The following TYW3 variants were observed in gnomAD, a reference collection of about 807,000 sequenced individuals.
TYW3 encodes the protein tRNA-yW synthesizing protein 3 homolog.
TYW3 carries 26 observed loss-of-function variants against 23.1 expected under a neutral mutation model. The ratio of observed to expected loss-of-function variants is 1.13; its 90% CI spans 0.83 to 1.56. The LOEUF is 1.56. Ranked by LOEUF, TYW3 falls within the 40% of genes most tolerant of loss-of-function variation. The pLI is 0.00. For synonymous variants in TYW3, 102 were observed against 105.7 expected (o/e 0.97, Z 0.21); for missense variants, 316 against 311.9 (o/e 1.01, Z -0.10).
intron 1 of TYW3, among the ~76,000 whole-genome samples, chr1:74,734,384 T>C (rs188378601): frequency 6.6e-6 from 1 of 152,280 alleles, no homozygotes. Flanking sequence ...GTAACTCTTA[T>C]TTTACTTAAT....
chr1:74,756,457 T>C (rs1235417135), intron 5 of TYW3, among the ~76,000 whole-genome samples: 1 of 152,190 alleles, frequency 6.6e-6, no homozygotes, highest in East Asian at 1.9e-4. Context: ...ACTCTTGTTA[T>C]GTTTTAGCAA....
At chr1:74,752,514 C>T in intron 5 of TYW3, 89 bp downstream of exon 5, 1 of 1,114,168 alleles carries the variant, frequency 9.0e-7, no homozygotes, top group Non-Finnish European at 1.3e-6. Flanking sequence ...TTTATAATGC[C>T]AACTGCTTAT....
intron 3 of TYW3, among the ~76,000 whole-genome samples, chr1:74,740,880 C>T (rs1648330479): frequency 6.6e-6 from 1 of 152,216 alleles, no homozygotes; most frequent in Non-Finnish European, 1.5e-5. Context: ...CTCCAAGTCC[C>T]CACTTGACCC....
chr1:74,753,238 G>A (rs1378307577), intron 5 of TYW3, among the ~76,000 whole-genome samples: 2 of 151,934 alleles, frequency 1.3e-5, no homozygotes, highest in East Asian at 1.9e-4. Flanking sequence ...TCAGTCAATC[G>A]CTGTCTGAAT....
chr1:74,747,510 G>A (rs1454260525), intron 3 of TYW3, among the ~76,000 whole-genome samples: 7 of 149,376 alleles, frequency 4.7e-5, no homozygotes, highest in Non-Finnish European at 7.5e-5. Flanking sequence ...AGTGGCGGGC[G>A]CCTGTAGTCC....
chr1:74,763,303 C>T (rs1014398880), intron 5 of TYW3, among the ~76,000 whole-genome samples: 12 of 151,854 alleles, frequency 7.9e-5, no homozygotes, highest in Non-Finnish European at 1.3e-4. Flanking sequence ...AAATGCTTAC[C>T]ACATTTTTGT....
At chr1:74,762,174 A>T (rs1437992230) in intron 5 of TYW3, among the ~76,000 whole-genome samples, 1 of 152,116 alleles carries the variant, frequency 6.6e-6, no homozygotes, top group Non-Finnish European at 1.5e-5. Context: ...TTGAAAATGG[A>T]CAGGATGTGT....
intron 1 of TYW3, among the ~76,000 whole-genome samples, chr1:74,733,901 G>T (rs1648022377): frequency 6.6e-6 from 1 of 152,152 alleles, no homozygotes; most frequent in Non-Finnish European, 1.5e-5. Flanking sequence ...CTCCTAGTGA[G>T]CCCCTCCATT....
chr1:74,740,323 TGAA>T (rs1266263089), intron 3 of TYW3, among the ~76,000 whole-genome samples: 11 of 152,200 alleles, frequency 7.2e-5, no homozygotes, highest in Admixed American at 7.2e-4. Flanking sequence ...ATTTCAGAAA[TGAA>T]GCCGCAGACT....
chr1:74,759,724 A>G (rs1441806925), intron 5 of TYW3, among the ~76,000 whole-genome samples: 1 of 152,074 alleles, frequency 6.6e-6, no homozygotes, highest in Non-Finnish European at 1.5e-5. Flanking sequence ...GCTCACTGCA[A>G]CCTTCGCCTT....
intron 3 of TYW3, among the ~76,000 whole-genome samples, chr1:74,747,854 T>C (rs1294436873): frequency 6.7e-6 from 1 of 149,606 alleles, no homozygotes; most frequent in African/African-American, 2.5e-5. Flanking sequence ...TGTATACACA[T>C]ATGTATGTAT....
In TYW3 at chr1:74,748,917, C is replaced by G. The variant is rs570308154; in HGVS notation, c.426+95C>G. 7 of 1,133,708 alleles carry G rather than the reference C, an allele frequency of 6.2e-6. No homozygotes were observed. In the African/African-American group the frequency reaches 1.1e-4, roughly 18 times the overall value. The allele number at this position is 1,133,708 out of a possible 1,614,324, so 70.2% of individuals were successfully genotyped here. On this transcript the variant is annotated intron_variant, in intron 4 of 5. Coordinates refer to ENST00000370867, the MANE Select transcript of TYW3 (RefSeq NM_138467.3). ...CTCCTGCCTTTAATGTCTCCTTTCT[C>G]AAATCTTCTTGCCATTCTCTTACTC... is the stretch of plus-strand genomic sequence containing the variant.
chr1:74,759,900 T>C (rs1453420621), intron 5 of TYW3, among the ~76,000 whole-genome samples: 1 of 152,208 alleles, frequency 6.6e-6, no homozygotes, highest in East Asian at 1.9e-4. Context: ...CGCCTTGGCC[T>C]CCCAAAGTGT....
chr1:74,757,747 G>A (rs1016113879), intron 5 of TYW3, among the ~76,000 whole-genome samples: 4 of 152,122 alleles, frequency 2.6e-5, no homozygotes, highest in African/African-American at 9.7e-5. Context: ...GATTTGGGAG[G>A]GGCCAGTGGG....
intron 3 of TYW3, among the ~76,000 whole-genome samples, chr1:74,740,140 G>A (rs772783698): frequency 2.0e-5 from 3 of 152,184 alleles, no homozygotes; most frequent in Admixed American, 1.3e-4. Flanking sequence ...TGGTATGTCC[G>A]GAGTTTGTTC....
chr1:74,742,117 A>G (rs1381821853), intron 3 of TYW3, among the ~76,000 whole-genome samples: 4 of 152,206 alleles, frequency 2.6e-5, no homozygotes, highest in African/African-American at 9.7e-5. Context: ...ACCGACAAGT[A>G]TTGAAATCCC....
At chr1:74,759,821 T>C (rs1281493552) in intron 5 of TYW3, among the ~76,000 whole-genome samples, 1 of 152,200 alleles carries the variant, frequency 6.6e-6, no homozygotes, top group Admixed American at 6.5e-5. Flanking sequence ...TTTTTGTATT[T>C]TTTTGTAGAG....
intron 5 of TYW3, among the ~76,000 whole-genome samples, chr1:74,757,193 C>T (rs535811560): frequency 1.3e-5 from 2 of 152,216 alleles, no homozygotes; most frequent in Non-Finnish European, 2.9e-5. Flanking sequence ...AGTCCCTACT[C>T]GGGCAATGCC....
chr1:74,749,589 C>T (rs1648704428), intron 4 of TYW3, among the ~76,000 whole-genome samples: 1 of 152,130 alleles, frequency 6.6e-6, no homozygotes, highest in Non-Finnish European at 1.5e-5. Context: ...CTATATTCTC[C>T]TATTTTCTAT....
Sources: gnomAD v4.1 joint callset for allele counts (sites outside exome capture counted in the v4.1 genomes callset) on GRCh38, gnomAD v4.1.1 for gene constraint, MANE v1.5 for transcripts, NCBI Gene and HGNC (gene_info 2026-07-23, HGNC 2026-07-21) for gene names.